The following DNAAF5 variants were observed in gnomAD, a reference collection of about 807,000 sequenced individuals.
DNAAF5 encodes the protein dynein axonemal assembly factor 5, also known as HEAT repeat containing 2.
A neutral mutation model predicts 75.8 loss-of-function variants in DNAAF5; 64 were observed. The ratio of observed to expected loss-of-function variants is 0.84; its 90% CI spans 0.69 to 1.04. The LOEUF (loss-of-function observed/expected upper bound fraction) is 1.04. Ranked by LOEUF, DNAAF5 falls within the 50% of genes least tolerant of loss-of-function variation. The pLI is 0.00. For missense variants in DNAAF5, 1,269 were observed against 1,178.5 expected (o/e 1.08, Z -1.12); for synonymous variants, 657 against 557.2 (o/e 1.18, Z -2.52).
chr7:746,950 C>T (rs912966829), intron 4 of DNAAF5, among the ~76,000 whole-genome samples: 1 of 152,210 alleles, frequency 6.6e-6, no homozygotes, highest in Non-Finnish European at 1.5e-5. Flanking sequence ...GTCGGAGGCT[C>T]ATGCATGGCA....
At chr7:766,791 C>CAG (rs570954370) in intron 8 of DNAAF5, among the ~76,000 whole-genome samples, 62 of 152,244 alleles carry the variant, frequency 4.1e-4, no homozygotes, top group African/African-American at 1.5e-3. Flanking sequence ...GCCCGGACAA[C>CAG]AGAGAGAGAC....
In DNAAF5 at chr7:729,652, CT is replaced by C; in HGVS notation, c.596-10del. On this transcript the variant is annotated splice_polypyrimidine_tract_variant and intron_variant, in intron 1 of 12. Transcript: ENST00000297440. ...GCAGCTCTGGTAACTGGGGGCCTCC[CT>C]GTCCCTCAGACCACTTCCACATGCA... 2 of 1,610,960 alleles carry C rather than the reference CT, an allele frequency of 1.2e-6. No homozygotes were observed. Among genetic ancestry groups the C allele is most frequent in the Non-Finnish European group, 1.7e-6 (2 of 1,177,922 alleles).
chr7:771,060 A>G (rs747473927), intron 9 of DNAAF5: 1 of 156,588 alleles, frequency 6.4e-6, no homozygotes, highest in African/African-American at 2.4e-5. Context: ...TTTAGGGAAC[A>G]TTAACTGTTA....
chr7:774,983 T>C, intron 10 of DNAAF5, 23 bp from the exon 11 acceptor site: 1 of 1,613,252 alleles, frequency 6.2e-7, no homozygotes, highest in East Asian at 2.2e-5. Flanking sequence ...GTGAGTCACG[T>C]CGTATGTGTT....
At chr7:752,756 T>C (rs958576548) in intron 4 of DNAAF5, among the ~76,000 whole-genome samples, 1 of 152,250 alleles carries the variant, frequency 6.6e-6, no homozygotes, top group Non-Finnish European at 1.5e-5. Flanking sequence ...CTTCTGCTTT[T>C]TCAAAGGCCT....
At chr7:740,009 G>A (rs1386878908) in intron 2 of DNAAF5, among the ~76,000 whole-genome samples, 2 of 152,152 alleles carry the variant, frequency 1.3e-5, no homozygotes, top group Non-Finnish European at 1.5e-5. Flanking sequence ...GGCCCAGCCA[G>A]GGACTGATGG....
chr7:754,883 T>G lies in DNAAF5; in HGVS notation c.1257+62T>G, dbSNP rs2128078360. ...TAACTCGAGCTTAAGATCCCGCCTC[T>G]GTGGTGTGCGGGGCCCGAGGCTGTA... On this transcript the variant is annotated intron_variant, in intron 5 of 12. Transcript: ENST00000297440. The surrounding 1 kb of genome is among the most constrained non-coding windows in gnomAD (Gnocchi z 4.8). 11 of 1,301,312 alleles carry G rather than the reference T, an allele frequency of 8.5e-6. No homozygotes were observed. The South Asian group carries it at 1.4e-4, about 16-fold the overall frequency. The allele number at this position is 1,301,312 out of a possible 1,614,324, so 80.6% of individuals were successfully genotyped here. A position where few individuals can be genotyped will look rare whatever the true frequency, so the allele number is the denominator to read the frequency against.
chr7:745,854 C>T (rs1455431190), intron 4 of DNAAF5, among the ~76,000 whole-genome samples: 1 of 152,206 alleles, frequency 6.6e-6, no homozygotes, highest in Non-Finnish European at 1.5e-5. Context: ...TTGGAGGCTG[C>T]CTGATTTAGA....
chr7:785,393 C>T (rs1442308550), intron 12 of DNAAF5, 124 bp from the exon 13 acceptor site: 14 of 1,023,604 alleles, frequency 1.4e-5, no homozygotes, highest in South Asian at 3.0e-5. Context: ...CACCCAGCAG[C>T]GTCAGGTTAT....
chr7:776,867 A>T (rs1778778328), intron 11 of DNAAF5, among the ~76,000 whole-genome samples: 1 of 152,170 alleles, frequency 6.6e-6, no homozygotes, highest in Non-Finnish European at 1.5e-5. Context: ...GGCAAGCGAA[A>T]CTTCATCTGT....
intron 2 of DNAAF5, among the ~76,000 whole-genome samples, chr7:733,759 G>T (rs1380616210): frequency 6.6e-6 from 1 of 152,202 alleles, no homozygotes; most frequent in Non-Finnish European, 1.5e-5. Flanking sequence ...CTCCCAAAGT[G>T]CTGGGATTAC....
intron 1 of DNAAF5, chr7:727,533 C>T (rs1781387022): frequency 6.8e-6 from 2 of 294,806 alleles, no homozygotes; most frequent in Non-Finnish European, 1.2e-5. Flanking sequence ...TCCCCTGCCT[C>T]ACGTCCCGCC....
At chr7:781,437 G>T (rs919420847) in intron 12 of DNAAF5, among the ~76,000 whole-genome samples, 7 of 152,128 alleles carry the variant, frequency 4.6e-5, no homozygotes, top group African/African-American at 9.7e-5. Flanking sequence ...GGACACCCCG[G>T]TTGCTTCCAC....
At chr7:749,803 A>G (rs1309526700) in intron 4 of DNAAF5, among the ~76,000 whole-genome samples, 2 of 152,074 alleles carry the variant, frequency 1.3e-5, no homozygotes, top group Admixed American at 1.3e-4. Flanking sequence ...TCAGGCAACT[A>G]CTGTCCTGCC....
chr7:740,985 T>C, intron 3 of DNAAF5, 42 bp downstream of exon 3: 1 of 1,603,680 alleles, frequency 6.2e-7, no homozygotes, highest in Non-Finnish European at 8.5e-7. Flanking sequence ...TCCTAAACGG[T>C]CATGTGTAGC....
intron 10 of DNAAF5, 131 bp downstream of exon 10, chr7:774,329 A>G (rs1230206707): frequency 2.1e-6 from 2 of 975,536 alleles, no homozygotes; most frequent in East Asian, 2.8e-5. Flanking sequence ...CCGTACCCCA[A>G]GAGGCTCTCC....
rs1234091169 is a variant in DNAAF5 at position 743,086 on chromosome 7, C to T, written c.1024+1621C>T. Among the ~76,000 whole-genome samples, 2 of 152,182 alleles carry T rather than the reference C, an allele frequency of 1.3e-5. 1 individual carries two copies. The highest frequency in any genetic ancestry group is 4.1e-4 in the South Asian group (2 of 4,834). On this transcript the variant is annotated intron_variant, in intron 4 of 12. Transcript: ENST00000297440. Reference sequence around the variant, plus strand: ...TACAGCATTAAAGTAGCTTCTTGGCCGGGCACAGTAGCTCACGCCTGTATC... The same window carrying T: ...TACAGCATTAAAGTAGCTTCTTGGCTGGGCACAGTAGCTCACGCCTGTATC...
Position 740,893 on chromosome 7 carries a change from G to T in DNAAF5, c.855G>T (p.Lys285Asn), listed in dbSNP as rs1781886321. 2 of 1,613,880 alleles carry T rather than the reference G, an allele frequency of 1.2e-6. No individual in the cohort carries two copies. Among genetic ancestry groups the T allele is most frequent in the Non-Finnish European group, 1.7e-6 (2 of 1,180,052 alleles). Reference protein sequence around the residue: ...CLRDRYSFFHKLIPLLLSSLN... With the variant: ...CLRDRYSFFHNLIPLLLSSLN... ...GTGACCGTTACTCCTTCTTCCACAAGCTCATCCCTCTGCTGCTCAGTAGCC... is the reference window on the plus strand; with the variant it reads ...GTGACCGTTACTCCTTCTTCCACAATCTCATCCCTCTGCTGCTCAGTAGCC... Residue 285 changes from lysine to asparagine, a missense_variant, in exon 3 of 13, where the codon AAG becomes AAT. Physicochemically the swap from Lys to Asn is moderately conservative, Grantham distance 94 (BLOSUM62 0). Transcript: ENST00000297440.
intron 6 of DNAAF5, among the ~76,000 whole-genome samples, chr7:757,815 C>G (rs114023909): frequency 1.1e-4 from 17 of 152,246 alleles, no homozygotes; most frequent in African/African-American, 4.1e-4. Flanking sequence ...CGGGCCTCAG[C>G]TCACCCCTGG....
Sources: allele counts gnomAD v4.1 joint callset (sites outside exome capture counted in the v4.1 genomes callset), GRCh38; gene constraint gnomAD v4.1.1; non-coding constraint Gnocchi (gnomAD v3.1); transcripts MANE v1.5; gene names NCBI Gene and HGNC (gene_info 2026-07-23, HGNC 2026-07-21).